DNAI3: variants seen among roughly 807,000 people sequenced by gnomAD.
DNAI3 encodes WD repeat domain 63.
A neutral mutation model predicts 115.5 loss-of-function variants in DNAI3; 83 were observed. That is an observed-to-expected ratio of 0.72 (90% CI 0.60 to 0.86). DNAI3 has a LOEUF of 0.86. DNAI3 is among the 40% of genes least tolerant of loss of function. DNAI3 has a pLI of 0.00. For synonymous variants in DNAI3, 320 were observed against 347.0 expected (o/e 0.92, Z 0.86); for missense variants, 1,004 against 1,075.8 (o/e 0.93, Z 0.93).
chr1:85,108,032 G>T lies in DNAI3; in HGVS notation c.1554-1G>T. The stretch of plus-strand genomic sequence containing the variant: ...AAAAAATATATATAAATTTTTTTTA[G>T]CACAATATGTTTTTGGGATATTAGA... On this transcript the variant is annotated splice_acceptor_variant, in intron 14 of 22. Transcript: ENST00000294664. LOFTEE classifies it high-confidence loss of function. 6.5e-7 allele frequency: 1 copy of T among 1,539,196 alleles called. No homozygotes were observed. The highest frequency in any genetic ancestry group is 1.3e-5 in the South Asian group (1 of 78,020).
intron 18 of DNAI3, 72 bp downstream of exon 18, chr1:85,121,886 CAGTACAG>C (rs1656004075): frequency 4.0e-6 from 6 of 1,514,220 alleles, no homozygotes; most frequent in Non-Finnish European, 5.5e-6. Flanking sequence ...GAATCTCATG[CAGTACAG>C]AGTCACCCTG....
At chr1:85,062,795 T>A (rs924218482) in intron 1 of DNAI3, among the ~76,000 whole-genome samples, 2 of 105,570 alleles carry the variant, frequency 1.9e-5, no homozygotes, top group Non-Finnish European at 4.0e-5. Context: ...AAACCATGAA[T>A]GAGTCAGTTA....
chr1:85,072,139 A>G, intron 2 of DNAI3, 134 bp downstream of exon 2: 1 of 830,990 alleles, frequency 1.2e-6, no homozygotes, highest in Non-Finnish European at 1.9e-6. Flanking sequence ...TATGAGGAAT[A>G]AGATATATGG....
chr1:85,094,397 T>G (rs1275125428), intron 9 of DNAI3, 34 bp from the exon 10 acceptor site: 2 of 1,613,012 alleles, frequency 1.2e-6, no homozygotes, highest in African/African-American at 2.7e-5. Context: ...GTATAGTTGC[T>G]GCCAACTTTA....
intron 16 of DNAI3, 130 bp downstream of exon 16, chr1:85,110,265 CA>C (rs1557721710): frequency 4.3e-6 from 3 of 697,726 alleles, no homozygotes; most frequent in Non-Finnish European, 2.3e-6. Context: ...TCCTGGCTAA[CA>C]CGGTGAAACC....
chr1:85,093,519 C>G lies in DNAI3; in HGVS notation c.919C>G (p.Leu307Val). 1.2e-6 allele frequency: 2 copies of G among 1,614,038 alleles called. No individual in the cohort carries two copies. Among genetic ancestry groups the G allele is most frequent in the Non-Finnish European group, 1.7e-6 (2 of 1,180,012 alleles). ...CACATTTATTGATGACTGGAAATAC[C>G]TCGCAGAAGAAGAAGGCACCTTTGG... ...MNTFIDDWKY[L>V]AEEEGTFGDK... The change falls in exon 9 of 23, where the codon CTC becomes GTC. Residue 307 changes from leucine (L) to valine (V), a missense_variant. Physicochemically the swap from Leu to Val is conservative, Grantham distance 32. Coordinates refer to ENST00000294664, the MANE Select transcript of DNAI3 (RefSeq NM_145172.5).
At chr1:85,102,576 A>G (rs999137139) in intron 13 of DNAI3, among the ~76,000 whole-genome samples, 6 of 152,218 alleles carry the variant, frequency 3.9e-5, no homozygotes, top group African/African-American at 1.4e-4. Flanking sequence ...TGTGATTAAT[A>G]TGTTAAAAAG....
intron 2 of DNAI3, among the ~76,000 whole-genome samples, chr1:85,072,794 A>C (rs1654320881): frequency 6.6e-6 from 1 of 151,590 alleles, no homozygotes; most frequent in South Asian, 2.1e-4. Flanking sequence ...TCTCTACTAA[A>C]AATACAAAAA....
chr1:85,109,007 C>G (rs1187780327), intron 15 of DNAI3, among the ~76,000 whole-genome samples: 3 of 152,152 alleles, frequency 2.0e-5, no homozygotes, highest in African/African-American at 7.2e-5. Flanking sequence ...AAAATTTTGC[C>G]TATCAATAGA....
chr1:85,086,054 A>G, intron 7 of DNAI3, 24 bp downstream of exon 7: 1 of 1,603,032 alleles, frequency 6.2e-7, no homozygotes, highest in Non-Finnish European at 8.5e-7. Context: ...GGGTGTATGT[A>G]ATTTTATAGC....
chr1:85,070,559 A>G (rs573819695), intron 1 of DNAI3, among the ~76,000 whole-genome samples: 2 of 152,216 alleles, frequency 1.3e-5, no homozygotes, highest in South Asian at 4.2e-4. Flanking sequence ...CTAGTATTCA[A>G]TAGTACAGTA....
chr1:85,110,810 T>A (rs1340497685), intron 16 of DNAI3, among the ~76,000 whole-genome samples: 7 of 152,170 alleles, frequency 4.6e-5, no homozygotes, highest in Non-Finnish European at 2.9e-5. Context: ...TAAAATAAGT[T>A]ATGAAGTATC....
At chr1:85,066,314 C>CATTTTTTTTTTTTTTTTTTTTTTTTT (rs1553164760) in intron 1 of DNAI3, among the ~76,000 whole-genome samples, 1 of 70,014 alleles carries the variant, frequency 1.4e-5, no homozygotes. Flanking sequence ...TTCTGCTACT[C>CATTTTTTTTTTTTTTTTTTTTTTTTT]TTTTTTTTTT....
intron 14 of DNAI3, among the ~76,000 whole-genome samples, chr1:85,105,082 G>A (rs709773): frequency 0.52 from 78,345 of 152,028 alleles, 20,850 homozygotes; most frequent in African/African-American, 0.64. Flanking sequence ...AATTCGTAAT[G>A]AAACAGGAAA....
chr1:85,126,486 T>C (rs966898248), intron 19 of DNAI3, 25 bp from the exon 20 acceptor site: 1 of 1,593,062 alleles, frequency 6.3e-7, no homozygotes, highest in Non-Finnish European at 8.5e-7. Context: ...CTTCTTTATT[T>C]GTCTTTTTAA....
intron 16 of DNAI3, among the ~76,000 whole-genome samples, chr1:85,115,236 G>A (rs1467489742): frequency 6.6e-6 from 1 of 152,208 alleles, no homozygotes; most frequent in Non-Finnish European, 1.5e-5. Flanking sequence ...CTCATAGGGT[G>A]TTGTGAAGAT....
chr1:85,078,726 C>T (rs7555444), intron 3 of DNAI3, among the ~76,000 whole-genome samples: 76,649 of 151,936 alleles, frequency 0.5, 19,608 homozygotes, highest in Middle Eastern at 0.55. Flanking sequence ...GGCAATGGAG[C>T]ATGATGGTAC....
In DNAI3 at chr1:85,105,528, C is replaced by CAAAAAAAA. The variant is rs755945527; in HGVS notation, c.1553+937_1553+944dup. Among the ~76,000 whole-genome samples the CAAAAAAAA allele has an allele frequency of 3.5e-4, 18 of 51,546 alleles. 1 individual carries two copies. The highest frequency in any genetic ancestry group is 1.6e-3 in the East Asian group (4 of 2,556). The allele number at this position is 51,546 out of a possible 152,430, so 33.8% of individuals were successfully genotyped here. Reference sequence around the variant, plus strand: ...GGGCAACAAGAGTGAAACTCTGTCTCAAAAAAAAAAAAAGAAAAAGAAAAA... The same window carrying CAAAAAAAA: ...GGGCAACAAGAGTGAAACTCTGTCTCAAAAAAAAAAAAAAAAAAAAAGAAAAAGAAAAA... On this transcript the variant is annotated intron_variant, in intron 14 of 22. Transcript: ENST00000294664.
rs755709001 is a variant in DNAI3, at chr1:85,121,822, T to G, written c.1981+8T>G. Reference sequence around the variant, plus strand: ...AAACTGGCCGACTTATGTGTAAGTTTTGTGATTGCCCTGTTATTAATAAGA... The same window carrying G: ...AAACTGGCCGACTTATGTGTAAGTTGTGTGATTGCCCTGTTATTAATAAGA... On this transcript the variant is annotated splice_region_variant and intron_variant, in intron 18 of 22. Transcript: ENST00000294664. 12 of 1,613,838 alleles carry G rather than the reference T, an allele frequency of 7.4e-6. No individual in the cohort carries two copies. The highest frequency in any genetic ancestry group is 1.3e-5 in the African/African-American group (1 of 74,942).
Sources: allele counts gnomAD v4.1 joint callset (sites outside exome capture counted in the v4.1 genomes callset), GRCh38; gene constraint gnomAD v4.1.1; transcripts MANE v1.5; gene names NCBI Gene and HGNC (gene_info 2026-07-23, HGNC 2026-07-21).